The following GABRB3 variants were observed in gnomAD, a reference collection of about 807,000 sequenced individuals.
GABRB3 encodes the protein gamma-aminobutyric acid type A receptor subunit beta3.
Under a neutral mutation model 52.1 loss-of-function variants are expected in GABRB3, and 14 were observed. That is an observed-to-expected ratio of 0.27 (90% CI 0.18 to 0.42). GABRB3 has a LOEUF of 0.42. GABRB3 is among the 10% of genes least tolerant of loss of function. The probability of loss-of-function intolerance (pLI) is 1.00; values close to 1 mark genes in which losing one functional copy is unlikely to be tolerated. For missense variants in GABRB3, 307 were observed against 609.1 expected (o/e 0.50, Z 5.22); for synonymous variants, 260 against 232.3 (o/e 1.12, Z -1.08).
At chr15:26,723,074 C>G (rs1889684760) in intron 3 of GABRB3, among the ~76,000 whole-genome samples, 1 of 152,104 alleles carries the variant, frequency 6.6e-6, no homozygotes, top group African/African-American at 2.4e-5. Context: ...TGAGAAGATT[C>G]CAAGTTCTGC....
intron 3 of GABRB3, among the ~76,000 whole-genome samples, chr15:26,655,143 T>C (rs1306496903): frequency 1.3e-5 from 2 of 152,196 alleles, no homozygotes; most frequent in Non-Finnish European, 2.9e-5. Flanking sequence ...AAGATTGTGT[T>C]GCACATATGG....
At chr15:26,648,630 A>C (rs762125723) in intron 3 of GABRB3, among the ~76,000 whole-genome samples, 1 of 152,186 alleles carries the variant, frequency 6.6e-6, no homozygotes, top group Non-Finnish European at 1.5e-5. Flanking sequence ...AGCCAAGAAT[A>C]ATGTGGCAAA....
At chr15:26,668,537 G>GT (rs56759654) in intron 3 of GABRB3, among the ~76,000 whole-genome samples, 37,713 of 151,560 alleles carry the variant, frequency 0.25, 5,547 homozygotes, top group Admixed American at 0.37. Flanking sequence ...TCATTTATGT[G>GT]TTTTTTTCTG....
intron 3 of GABRB3, among the ~76,000 whole-genome samples, chr15:26,720,807 A>G (rs985801113): frequency 6.6e-6 from 1 of 152,222 alleles, no homozygotes; most frequent in Non-Finnish European, 1.5e-5. Context: ...CTGCTGAGGA[A>G]CAGGAACACC....
intron 3 of GABRB3, among the ~76,000 whole-genome samples, chr15:26,730,979 C>G (rs8025390): frequency 1.3e-5 from 2 of 152,066 alleles, no homozygotes; most frequent in Non-Finnish European, 1.5e-5. Context: ...CAACATTTAA[C>G]CTTACAGGTG....
intron 3 of GABRB3, among the ~76,000 whole-genome samples, chr15:26,663,540 A>C (rs372076363): frequency 6.6e-6 from 1 of 152,208 alleles, no homozygotes; most frequent in African/African-American, 2.4e-5. Flanking sequence ...TTTAAAAGTT[A>C]GTGCCTGCAT....
intron 6 of GABRB3, among the ~76,000 whole-genome samples, chr15:26,572,047 GAAAA>G (rs67382387): frequency 7.5e-5 from 4 of 53,102 alleles, no homozygotes; most frequent in Non-Finnish European, 8.1e-5. Context: ...TCCGTCTCAA[GAAAA>G]AAAAAAAAAA....
rs775865564 is a variant in GABRB3, at chr15:26,772,462, C to T, written c.180G>A (p.Pro60=). Residue 60 remains proline, a synonymous_variant, in exon 3 of 9, where the codon CCG becomes CCA. Coordinates refer to ENST00000311550, the MANE Select transcript of GABRB3 (RefSeq NM_000814.6). ...IRLRPDFGGP[P]VCVGMNIDIA... Reference sequence around the variant, plus strand: ...TGTCGATGTTCATCCCCACGCAGACCGGGGGACCTGCGGGAAGCACAGGAC... The same window carrying T: ...TGTCGATGTTCATCCCCACGCAGACTGGGGGACCTGCGGGAAGCACAGGAC... The T allele has an allele frequency of 1.7e-5, 27 of 1,610,494 alleles. No individual in the cohort carries two copies. Among genetic ancestry groups the T allele is most frequent in the Admixed American group, 1.7e-5 (1 of 59,808 alleles).
In GABRB3 at chr15:26,772,733, C is replaced by T. The variant is rs754289832; in HGVS notation, c.120G>A (p.Thr40=). ...CGTAGCCTTTCAACAGCTTGTCCAC[C>T]GTCTCCTTCACAAAGGACATGTTCC... ...DPGNMSFVKE[T]VDKLLKGYDI... Residue 40 remains threonine, a synonymous_variant, in exon 2 of 9, where the codon ACG becomes ACA. Coordinates refer to ENST00000311550, the MANE Select transcript of GABRB3 (RefSeq NM_000814.6). 1 of 1,574,444 alleles carries T rather than the reference C, an allele frequency of 6.4e-7. No individual in the cohort carries two copies. The highest frequency in any genetic ancestry group is 8.6e-7 in the Non-Finnish European group (1 of 1,159,822).
At chr15:26,760,710 T>A (rs1035773733) in intron 3 of GABRB3, among the ~76,000 whole-genome samples, 8 of 152,010 alleles carry the variant, frequency 5.3e-5, no homozygotes, top group African/African-American at 1.9e-4. Context: ...GATACAGATA[T>A]AGATACACAT....
chr15:26,727,445 T>A (rs1889803724), intron 3 of GABRB3, among the ~76,000 whole-genome samples: 1 of 152,364 alleles, frequency 6.6e-6, no homozygotes, highest in South Asian at 2.1e-4. Context: ...GCCCCCGATT[T>A]GGCCATCAGG....
chr15:26,725,679 T>C (rs1889752526), intron 3 of GABRB3, among the ~76,000 whole-genome samples: 1 of 152,210 alleles, frequency 6.6e-6, no homozygotes, highest in African/African-American at 2.4e-5. Flanking sequence ...TTGGAGTTTT[T>C]TTCATATTTG....
intron 3 of GABRB3, among the ~76,000 whole-genome samples, chr15:26,706,279 C>A (rs1055292574): frequency 2.6e-5 from 4 of 152,138 alleles, no homozygotes; most frequent in Admixed American, 2.6e-4. Flanking sequence ...AACGAAACAA[C>A]CAGGCATGAC....
intron 3 of GABRB3, chr15:26,642,580 T>TA (rs1595504310): frequency 7.6e-6 from 8 of 1,050,422 alleles, no homozygotes; most frequent in Non-Finnish European, 9.1e-6. Context: ...GTTCTCATGC[T>TA]AAAAATAGTC....
chr15:26,647,431 A>G lies in GABRB3; in HGVS notation c.241-25897T>C, dbSNP rs1863460. On this transcript the variant is annotated intron_variant, in intron 3 of 8. Transcript: ENST00000311550. ...TGTCTAAGAAATCTTTGCTGAGCCC[A>G]AGATCAGGAAGATTTAGTACTAAGG... Among the ~76,000 whole-genome samples, 1,320 of 152,292 alleles carry G rather than the reference A, an allele frequency of 8.7e-3. 28 individuals carry two copies. The highest frequency in any genetic ancestry group is 0.03 in the African/African-American group (1,264 of 41,542).
rs547279529 is a variant in GABRB3 at position 26,746,366 on chromosome 15, G to A, written c.240+26036C>T. 7.9e-5 allele frequency among the ~76,000 whole-genome samples: 12 copies of A among 152,150 alleles called. No individual in the cohort carries two copies. The South Asian group carries it at 2.5e-3, about 32-fold the overall frequency. On this transcript the variant is annotated intron_variant, in intron 3 of 8. Transcript: ENST00000311550. ...ATATACTCCAAGTTCTTTGTCAAAT[G>A]CATGGTTTGGAGATATTTTTTCTAA...
intron 3 of GABRB3, among the ~76,000 whole-genome samples, chr15:26,761,761 C>T (rs1450664610): frequency 6.6e-6 from 1 of 152,148 alleles, no homozygotes; most frequent in Non-Finnish European, 1.5e-5. Flanking sequence ...GTATTTTGTT[C>T]TCCAAATTAA....
chr15:26,764,165 A>T (rs1595357045), intron 3 of GABRB3, among the ~76,000 whole-genome samples: 4 of 39,938 alleles, frequency 1.0e-4, no homozygotes, highest in African/African-American at 2.2e-4. Flanking sequence ...AAAAAAAAAA[A>T]AAAAAAAAAA....
intron 8 of GABRB3, among the ~76,000 whole-genome samples, chr15:26,554,955 G>A (rs1333295096): frequency 3.3e-5 from 5 of 152,068 alleles, no homozygotes; most frequent in South Asian, 2.1e-4. Context: ...TGAGGCGGGC[G>A]GATCACGAGG....
Sources: allele counts gnomAD v4.1 joint callset (sites outside exome capture counted in the v4.1 genomes callset), GRCh38; gene constraint gnomAD v4.1.1; transcripts MANE v1.5; gene names NCBI Gene and HGNC (gene_info 2026-07-23, HGNC 2026-07-21).